Variants in MAP2K5 observed in about 807,000 individuals in gnomAD.
The protein encoded by MAP2K5 is mitogen-activated protein kinase kinase 5.
In MAP2K5, 49 loss-of-function variants were observed where a neutral mutation model predicts 83.1. That is an observed-to-expected ratio of 0.59 (90% CI 0.47 to 0.75). The LOEUF is 0.75. MAP2K5 is among the 30% of genes least tolerant of loss of function. The pLI is 0.00. For missense variants in MAP2K5, 457 were observed against 557.5 expected (o/e 0.82, Z 1.82); for synonymous variants, 202 against 191.8 (o/e 1.05, Z -0.44).
In MAP2K5 at chr15:67,802,040, G is replaced by A. The variant is rs1000335938; in HGVS notation, c.1243-4606G>A. 1.3e-5 allele frequency among the ~76,000 whole-genome samples: 2 copies of A among 152,196 alleles called. No homozygotes were observed. Among genetic ancestry groups the A allele is most frequent in the Non-Finnish European group, 2.9e-5 (2 of 68,032 alleles). Reference sequence around the variant, plus strand: ...CAGGCAGCACCCACACACTGCGGCAGGCTCGGAGCCTCCATTCTTGCCCAC... The same window carrying A: ...CAGGCAGCACCCACACACTGCGGCAAGCTCGGAGCCTCCATTCTTGCCCAC... On this transcript the variant is annotated intron_variant, in intron 21 of 21. Coordinates refer to ENST00000178640, the MANE Select transcript of MAP2K5 (RefSeq NM_145160.3). This position sits in a 1 kb window ranked among gnomAD's most constrained non-coding sequence, Gnocchi z 5.0.
intron 8 of MAP2K5, among the ~76,000 whole-genome samples, chr15:67,611,277 G>C (rs1258937681): frequency 6.6e-6 from 1 of 152,058 alleles, no homozygotes; most frequent in Non-Finnish European, 1.5e-5. Flanking sequence ...AAATACATGG[G>C]ATAAAATTAT....
intron 16 of MAP2K5, among the ~76,000 whole-genome samples, chr15:67,721,400 G>T (rs552997043): frequency 1.3e-5 from 2 of 152,056 alleles, no homozygotes; most frequent in Non-Finnish European, 2.9e-5. Flanking sequence ...CCGTTAAGGC[G>T]CACTCCTGAT....
At position 67,667,952 on chromosome 15, in the gene MAP2K5, G is replaced by A. The variant is rs560555532; in HGVS notation, c.847+3307G>A. Among the ~76,000 whole-genome samples, 10 of 152,202 alleles carry A rather than the reference G, an allele frequency of 6.6e-5. No individual in the cohort carries two copies. In the South Asian group the frequency reaches 1.9e-3, roughly 28 times the overall value. ...GAATGAAATCTGAGCAATAAGCAGC[G>A]GCAAACCACTCATCCCATGAGGCTT... On this transcript the variant is annotated intron_variant, in intron 13 of 21. Transcript: ENST00000178640.
At position 67,708,510 on chromosome 15, in the gene MAP2K5, C is replaced by G. The variant is rs1269107623; in HGVS notation, c.1044+5102C>G. Among the ~76,000 whole-genome samples, 1 of 151,384 alleles carries G rather than the reference C, an allele frequency of 6.6e-6. No individual in the cohort carries two copies. The highest frequency in any genetic ancestry group is 1.5e-5 in the Non-Finnish European group (1 of 67,810). ...GCCCCCTGCCTCCCACTTTTTTTTT[C>G]TAGAGACGTGGTCTTGATATGTTGC... On this transcript the variant is annotated intron_variant, in intron 16 of 21. Transcript: ENST00000178640. This position sits in a 1 kb window ranked among gnomAD's most constrained non-coding sequence, Gnocchi z 4.9.
intron 17 of MAP2K5, among the ~76,000 whole-genome samples, chr15:67,734,347 G>A (rs1397149315): frequency 6.6e-6 from 1 of 152,080 alleles, no homozygotes; most frequent in East Asian, 1.9e-4. Context: ...ACTTGGCTTG[G>A]AAACGTGCTA....
At chr15:67,600,031 T>G (rs987439376) in intron 7 of MAP2K5, among the ~76,000 whole-genome samples, 1 of 152,194 alleles carries the variant, frequency 6.6e-6, no homozygotes, top group African/African-American at 2.4e-5. Context: ...TTAATAAAAA[T>G]TACATGCCTA....
In MAP2K5 at chr15:67,585,001, C is replaced by G. The variant is rs146320185; in HGVS notation, c.323-889C>G. On this transcript the variant is annotated intron_variant, in intron 4 of 21. Transcript: ENST00000178640. ...TTGAGCCACTGCACCCAGTCATTACCCACATCTTATTATTAAACAGCTCTA... is the reference window on the plus strand; with the variant it reads ...TTGAGCCACTGCACCCAGTCATTACGCACATCTTATTATTAAACAGCTCTA... Among the ~76,000 whole-genome samples, 849 of 150,388 alleles carry G rather than the reference C, an allele frequency of 5.6e-3. 7 individuals carry two copies. Among genetic ancestry groups the G allele is most frequent in the Middle Eastern group, 0.014 (4 of 292 alleles).
At position 67,746,754 on chromosome 15, in the gene MAP2K5, T is replaced by C. The variant is rs769270315; in HGVS notation, c.1075-1477T>C. Among the ~76,000 whole-genome samples the C allele has an allele frequency of 2.0e-5, 3 of 152,114 alleles. No individual in the cohort carries two copies. The highest frequency in any genetic ancestry group is 2.9e-5 in the Non-Finnish European group (2 of 68,026). ...GGACAGAGGTTTCTGAAAGTAGTGA[T>C]TGGGGAGGAAGTGATGAAAAGCCAA... On this transcript the variant is annotated intron_variant, in intron 17 of 21. Coordinates refer to ENST00000178640, the MANE Select transcript of MAP2K5 (RefSeq NM_145160.3). The surrounding 1 kb of genome is among the most constrained non-coding windows in gnomAD (Gnocchi z 4.1).
At chr15:67,648,431 C>T (rs949076905) in intron 11 of MAP2K5, among the ~76,000 whole-genome samples, 1 of 152,142 alleles carries the variant, frequency 6.6e-6, no homozygotes, top group Non-Finnish European at 1.5e-5. Flanking sequence ...TGCTGAATAA[C>T]ATTTCGTTGT....
Position 67,677,556 on chromosome 15 carries a change from G to A in MAP2K5, c.847+12911G>A, listed in dbSNP as rs1473754578. ...CTTACATCTTATTTATGCATATAATGTGGTATTCCTTTGTTTTCTTTCCTT... is the reference window on the plus strand; with the variant it reads ...CTTACATCTTATTTATGCATATAATATGGTATTCCTTTGTTTTCTTTCCTT... On this transcript the variant is annotated intron_variant, in intron 13 of 21. Transcript: ENST00000178640. The surrounding 1 kb of genome is among the most constrained non-coding windows in gnomAD (Gnocchi z 4.2). Among the ~76,000 whole-genome samples the A allele has an allele frequency of 6.6e-6, 1 of 152,222 alleles. No homozygotes were observed. Among genetic ancestry groups the A allele is most frequent in the Non-Finnish European group, 1.5e-5 (1 of 68,042 alleles).
At position 67,806,712 on chromosome 15, in the gene MAP2K5, G is replaced by T. The variant is rs770581875; in HGVS notation, c.1309G>T (p.Ala437Ser). 49 of 1,552,186 alleles carry T rather than the reference G, an allele frequency of 3.2e-5. No homozygotes were observed. Among genetic ancestry groups the T allele is most frequent in the Non-Finnish European group, 4.2e-5 (48 of 1,148,196 alleles). ...AAVVSMWVCRALEERRSQQGP... is the reference protein window; with the variant it reads ...AAVVSMWVCRSLEERRSQQGP... Reference sequence around the variant, plus strand: ...CGTGGTGTCCATGTGGGTGTGCCGGGCGCTGGAGGAGAGGCGGAGCCAGCA... The same window carrying T: ...CGTGGTGTCCATGTGGGTGTGCCGGTCGCTGGAGGAGAGGCGGAGCCAGCA... Residue 437 changes from alanine (A) to serine (S), a missense_variant, in exon 22 of 22, where the codon GCG becomes TCG. This residue lies in a region of MAP2K5 where 55 missense variants were observed against 50.9 expected (regional missense o/e 1.08). Coordinates refer to ENST00000178640, the MANE Select transcript of MAP2K5 (RefSeq NM_145160.3).
chr15:67,544,339 T>A (rs2084352456), intron 1 of MAP2K5, among the ~76,000 whole-genome samples: 1 of 152,236 alleles, frequency 6.6e-6, no homozygotes, highest in African/African-American at 2.4e-5. Flanking sequence ...TTAGAATTGG[T>A]GATATTTTAC....
At position 67,758,142 on chromosome 15, in the gene MAP2K5, A is replaced by C. The variant is rs1172524738; in HGVS notation, c.1134+9541A>C. Reference sequence around the variant, plus strand: ...CAACGTAGCCAGATTTGTGTTTTACACTGTGGCAGTGCTGTGGAAGATGGA... The same window carrying C: ...CAACGTAGCCAGATTTGTGTTTTACCCTGTGGCAGTGCTGTGGAAGATGGA... On this transcript the variant is annotated intron_variant, in intron 19 of 21. Transcript: ENST00000178640. The surrounding 1 kb of genome is among the most constrained non-coding windows in gnomAD (Gnocchi z 4.7). Among the ~76,000 whole-genome samples the C allele has an allele frequency of 6.6e-6, 1 of 152,190 alleles. No individual in the cohort carries two copies. Among genetic ancestry groups the C allele is most frequent in the Non-Finnish European group, 1.5e-5 (1 of 68,024 alleles).
At chr15:67,763,070 G>A (rs2089979844) in intron 19 of MAP2K5, among the ~76,000 whole-genome samples, 1 of 152,130 alleles carries the variant, frequency 6.6e-6, no homozygotes, top group African/African-American at 2.4e-5. Flanking sequence ...ACTTGATGTG[G>A]AGTAGGATGA....
At position 67,638,319 on chromosome 15, in the gene MAP2K5, G is replaced by A. The variant is rs2086647246; in HGVS notation, c.585+7392G>A. The stretch of plus-strand genomic sequence containing the variant: ...CTCCCACTTATAAGTGAGAACATGT[G>A]GTATTCGGTTTCCTGTTCTTGTGTT... On this transcript the variant is annotated intron_variant, in intron 9 of 21. Coordinates refer to ENST00000178640, the MANE Select transcript of MAP2K5 (RefSeq NM_145160.3). The surrounding 1 kb of genome is among the most constrained non-coding windows in gnomAD (Gnocchi z 4.5). Among the ~76,000 whole-genome samples the A allele has an allele frequency of 6.6e-6, 1 of 152,110 alleles. No individual in the cohort carries two copies.
intron 7 of MAP2K5, among the ~76,000 whole-genome samples, chr15:67,596,514 A>G (rs1189688781): frequency 6.6e-6 from 1 of 152,260 alleles, no homozygotes; most frequent in Non-Finnish European, 1.5e-5. Flanking sequence ...TAAAAACTGT[A>G]TCATTACTAG....
At chr15:67,695,611 G>T (rs1490032997) in intron 15 of MAP2K5, among the ~76,000 whole-genome samples, 1 of 152,136 alleles carries the variant, frequency 6.6e-6, no homozygotes, top group Non-Finnish European at 1.5e-5. Context: ...TAAAAGTTGG[G>T]GGGACATGAC....
At chr15:67,544,655 C>T (rs560042145) in intron 1 of MAP2K5, among the ~76,000 whole-genome samples, 100 of 152,274 alleles carry the variant, frequency 6.6e-4, no homozygotes, top group African/African-American at 2.3e-3. Context: ...ATAACTGAGG[C>T]ATGGAAGACA....
At chr15:67,647,330 G>T (rs1370915553) in intron 11 of MAP2K5, among the ~76,000 whole-genome samples, 1 of 152,158 alleles carries the variant, frequency 6.6e-6, no homozygotes, top group South Asian at 2.1e-4. Flanking sequence ...CAGCCATATA[G>T]GTAAGTATGG....
Sources: allele counts gnomAD v4.1 joint callset (sites outside exome capture counted in the v4.1 genomes callset), GRCh38; gene constraint gnomAD v4.1.1; regional missense constraint gnomAD v4.1.1; non-coding constraint Gnocchi (gnomAD v3.1); transcripts MANE v1.5; gene names NCBI Gene and HGNC (gene_info 2026-07-23, HGNC 2026-07-21).